Variants in MAP6 observed in about 807,000 individuals in gnomAD.
The protein encoded by MAP6 is microtubule-associated protein 6.
In MAP6, 26 loss-of-function variants were observed where a neutral mutation model predicts 42.4. That is an observed-to-expected ratio of 0.61 (90% confidence interval 0.45 to 0.85). The LOEUF is 0.85. MAP6 is among the 40% of genes least tolerant of loss of function. The pLI is 0.00. For synonymous variants in MAP6, 418 were observed against 443.8 expected (o/e 0.94, Z 0.73); for missense variants, 966 against 1,099.0 (o/e 0.88, Z 1.71).
intron 1 of MAP6, among the ~76,000 whole-genome samples, chr11:75,633,402 TAA>T (rs1590788721): frequency 6.6e-6 from 1 of 152,208 alleles, no homozygotes. Flanking sequence ...TGAGAGATGC[TAA>T]AAAATTCACT....
chr11:75,641,233 G>C (rs1468115231), intron 1 of MAP6, among the ~76,000 whole-genome samples: 1 of 150,036 alleles, frequency 6.7e-6, no homozygotes, highest in East Asian at 2.0e-4. Context: ...CTATTGCAAA[G>C]ACAAAAAACT....
At chr11:75,646,854 A>C (rs145119586) in intron 1 of MAP6, among the ~76,000 whole-genome samples, 82 of 152,316 alleles carry the variant, frequency 5.4e-4, no homozygotes, top group African/African-American at 1.9e-3. Context: ...GGCAAATCTA[A>C]ATAAGCATTG....
intron 3 of MAP6, among the ~76,000 whole-genome samples, chr11:75,595,981 T>G (rs887251487): frequency 2.0e-4 from 30 of 152,204 alleles, no homozygotes; most frequent in African/African-American, 6.8e-4. Flanking sequence ...GGAGGCCTAC[T>G]TTCTCAATGA....
At chr11:75,656,171 A>G (rs1943746196) in intron 1 of MAP6, among the ~76,000 whole-genome samples, 1 of 152,208 alleles carries the variant, frequency 6.6e-6, no homozygotes, top group Non-Finnish European at 1.5e-5. Flanking sequence ...AGGATATGCC[A>G]CAATGTAGGC....
chr11:75,652,959 C>T (rs555975311), intron 1 of MAP6, among the ~76,000 whole-genome samples: 6 of 152,254 alleles, frequency 3.9e-5, no homozygotes, highest in East Asian at 1.9e-4. Context: ...AGGAACACTC[C>T]GACTGCCATC....
Position 75,666,388 on chromosome 11 carries a change from AAG to A in MAP6, c.905+1075_905+1076del, listed in dbSNP as rs368584152. 1.4e-3 allele frequency among the ~76,000 whole-genome samples: 212 copies of A among 152,268 alleles called. 1 individual carries two copies. The highest frequency in any genetic ancestry group is 4.8e-3 in the African/African-American group (200 of 41,540). On this transcript the variant is annotated intron_variant, in intron 1 of 3. Coordinates refer to ENST00000304771, the MANE Select transcript of MAP6 (RefSeq NM_033063.2). ...CAGCAGAGGGAAAATTCTAGAAGGAAAGAGAGAGAGAGATTTTCATGCTTGAA... is the reference window on the plus strand; with the variant it reads ...CAGCAGAGGGAAAATTCTAGAAGGAAAGAGAGAGAGATTTTCATGCTTGAA...
At chr11:75,612,628 G>T (rs1013683697) in intron 1 of MAP6, among the ~76,000 whole-genome samples, 3 of 152,172 alleles carry the variant, frequency 2.0e-5, no homozygotes, top group Admixed American at 2.0e-4. Context: ...AGGTGCCCAG[G>T]CTGGATAGGA....
At chr11:75,614,076 C>G (rs1942954145) in intron 1 of MAP6, among the ~76,000 whole-genome samples, 1 of 152,196 alleles carries the variant, frequency 6.6e-6, no homozygotes, top group Non-Finnish European at 1.5e-5. Context: ...ACCTGTACCT[C>G]TCTGTAGCAT....
At chr11:75,614,492 A>T (rs527279026) in intron 1 of MAP6, among the ~76,000 whole-genome samples, 114 of 152,076 alleles carry the variant, frequency 7.5e-4, no homozygotes, top group Non-Finnish European at 7.8e-4. Context: ...TCTCTCTGGG[A>T]TTACTCTCTC....
intron 3 of MAP6, chr11:75,605,222 T>C (rs746861576): frequency 2.0e-5 from 20 of 985,642 alleles, no homozygotes; most frequent in Non-Finnish European, 2.2e-5. Flanking sequence ...ACATTTCTAA[T>C]GGACGATTCT....
chr11:75,654,270 G>T (rs117071343), intron 1 of MAP6, among the ~76,000 whole-genome samples: 2 of 152,292 alleles, frequency 1.3e-5, no homozygotes, highest in East Asian at 3.9e-4. Context: ...GGAATTACAA[G>T]AATGTATTGT....
At chr11:75,610,980 C>T (rs1942886657) in intron 1 of MAP6, among the ~76,000 whole-genome samples, 1 of 152,162 alleles carries the variant, frequency 6.6e-6, no homozygotes, top group African/African-American at 2.4e-5. Flanking sequence ...GGATCCCTTC[C>T]TCACCCCTCC....
At position 75,667,704 on chromosome 11, in the gene MAP6, C is replaced by G. The variant is rs890645739; in HGVS notation, c.666G>C (p.Ala222=). The part of the protein sequence containing the change: ...AREQEAAPGG[A]GGLAAGKASG... ...ACGCCTTTCCGGCCGCCAGGCCACC[C>G]GCTCCGCCGGGGGCCGCCTCCTGCT... Residue 222 remains alanine, a synonymous_variant, in exon 1 of 4, where the codon GCG becomes GCC. Coordinates refer to ENST00000304771, the MANE Select transcript of MAP6 (RefSeq NM_033063.2). This position sits in a 1 kb window ranked among gnomAD's most constrained non-coding sequence, Gnocchi z 5.6. The G allele has an allele frequency of 1.9e-4, 238 of 1,283,426 alleles. No homozygotes were observed. Among genetic ancestry groups the G allele is most frequent in the Middle Eastern group, 5.9e-4 (2 of 3,402 alleles). The allele number at this position is 1,283,426 out of a possible 1,614,324, so 79.5% of individuals were successfully genotyped here. A position where few individuals can be genotyped will look rare whatever the true frequency, so the allele number is the denominator to read the frequency against.
At chr11:75,610,005 A>G (rs1942861879) in intron 1 of MAP6, among the ~76,000 whole-genome samples, 1 of 152,194 alleles carries the variant, frequency 6.6e-6, no homozygotes, top group African/African-American at 2.4e-5. Context: ...ATGAGTTGCC[A>G]TGGGAGTGGG....
chr11:75,650,458 G>A (rs934495030), intron 1 of MAP6, among the ~76,000 whole-genome samples: 5 of 152,116 alleles, frequency 3.3e-5, no homozygotes, highest in African/African-American at 7.2e-5. Flanking sequence ...TGAAATGCAC[G>A]CTTGACACCT....
At chr11:75,633,704 T>C (rs1943320703) in intron 1 of MAP6, among the ~76,000 whole-genome samples, 1 of 152,166 alleles carries the variant, frequency 6.6e-6, no homozygotes, top group Non-Finnish European at 1.5e-5. Flanking sequence ...CTGGAGGAAG[T>C]GAGCCTTGTG....
chr11:75,667,721 C>A lies in MAP6; in HGVS notation c.649G>T (p.Ala217Ser). ...QAAAEAREQEAAPGGAGGLAA... is the reference protein window; with the variant it reads ...QAAAEAREQESAPGGAGGLAA... ...AGGCCACCCGCTCCGCCGGGGGCCG[C>A]CTCCTGCTCCCGGGCCTCAGCGGCG... Residue 217 changes from alanine to serine, a missense_variant, in exon 1 of 4, where the codon GCG (alanine) becomes TCG (serine). Physicochemically the swap from Ala to Ser is moderately conservative, Grantham distance 99. Coordinates refer to ENST00000304771, the MANE Select transcript of MAP6 (RefSeq NM_033063.2). This position sits in a 1 kb window ranked among gnomAD's most constrained non-coding sequence, Gnocchi z 5.6. The A allele has an allele frequency of 7.7e-7, 1 of 1,291,010 alleles. No individual in the cohort carries two copies. The highest frequency in any genetic ancestry group is 9.8e-7 in the Non-Finnish European group (1 of 1,022,576). The allele number at this position is 1,291,010 out of a possible 1,614,324, so 80.0% of individuals were successfully genotyped here.
At position 75,588,013 on chromosome 11, in the gene MAP6, T is replaced by C; in HGVS notation, c.1488A>G (p.Leu496=). 1.2e-6 allele frequency: 2 copies of C among 1,614,204 alleles called. 1 individual carries two copies. The highest frequency in any genetic ancestry group is 1.7e-6 in the Non-Finnish European group (2 of 1,180,030). ...TGACTGGTAATGGGATCATGGGACCTAGATCCTTTGGAGGCCCTGGGACCA... is the reference window on the plus strand; with the variant it reads ...TGACTGGTAATGGGATCATGGGACCCAGATCCTTTGGAGGCCCTGGGACCA... ...GSVVPGPPKD[L]GPMIPLPVKD... Residue 496 remains leucine, a synonymous_variant, in exon 4 of 4, where the codon CTA becomes CTG. Coordinates refer to ENST00000304771, the MANE Select transcript of MAP6 (RefSeq NM_033063.2).
In MAP6 at chr11:75,616,404, T is replaced by C. The variant is rs148918138; in HGVS notation, c.906-8082A>G. Among the ~76,000 whole-genome samples the C allele has an allele frequency of 1.9e-3, 297 of 152,360 alleles. 2 individuals carry two copies. The highest frequency in any genetic ancestry group is 6.6e-3 in the African/African-American group (273 of 41,590). ...GGGTCTAAAGTCTTCCTACAGATTTTCGTAGGTGATTTATGTTGCCATGGA... is the reference window on the plus strand; with the variant it reads ...GGGTCTAAAGTCTTCCTACAGATTTCCGTAGGTGATTTATGTTGCCATGGA... On this transcript the variant is annotated intron_variant, in intron 1 of 3. Coordinates refer to ENST00000304771, the MANE Select transcript of MAP6 (RefSeq NM_033063.2).
Sources: gnomAD v4.1 joint callset for allele counts (sites outside exome capture counted in the v4.1 genomes callset) on GRCh38, gnomAD v4.1.1 for gene constraint, Gnocchi (gnomAD v3.1) non-coding constraint, MANE v1.5 for transcripts, NCBI Gene and HGNC (gene_info 2026-07-23, HGNC 2026-07-21) for gene names.